Variants in ADAM22 observed in about 807,000 individuals in gnomAD.
ADAM22 encodes ADAM metallopeptidase domain 22, also known as disintegrin and metalloproteinase domain-containing protein 22.
A neutral mutation model predicts 144.6 loss-of-function variants in ADAM22; 65 were observed. The observed-to-expected ratio is 0.45, with a 90% CI of 0.37 to 0.55. The LOEUF is 0.55. Ranked by LOEUF, ADAM22 falls within the 20% of genes least tolerant of loss-of-function variation. ADAM22 has a pLI of 0.00. For synonymous variants in ADAM22, 391 were observed against 412.6 expected (o/e 0.95, Z 0.63); for missense variants, 974 against 1,184.9 (o/e 0.82, Z 2.61).
At position 88,160,761 on chromosome 7, in the gene ADAM22, T is replaced by C. The variant is rs550502675; in HGVS notation, c.1908-2251T>C. The stretch of plus-strand genomic sequence containing the variant: ...CTGGATTAAGAAAATGTGGCACATA[T>C]ACACCATGGAATACTATGCAGCCAT... On this transcript the variant is annotated intron_variant, in intron 22 of 31. Coordinates refer to ENST00000413139, the MANE Select transcript of ADAM22 (RefSeq NM_001324418.2). Among the ~76,000 whole-genome samples, 12 of 152,214 alleles carry C rather than the reference T, an allele frequency of 7.9e-5. No individual in the cohort carries two copies. The South Asian group carries it at 2.5e-3, about 32-fold the overall frequency.
chr7:88,154,652 C>T (rs1172337437), intron 21 of ADAM22, among the ~76,000 whole-genome samples: 2 of 151,986 alleles, frequency 1.3e-5, no homozygotes, highest in Non-Finnish European at 2.9e-5. Context: ...AAGATCATAT[C>T]TAATTGTCTT....
intron 19 of ADAM22, 89 bp from the exon 20 acceptor site, chr7:88,151,168 T>A: frequency 6.4e-7 from 1 of 1,555,458 alleles, no homozygotes; most frequent in Non-Finnish European, 8.9e-7. Context: ...ACTATTCATC[T>A]ATTATTTTTC....
At chr7:88,195,677 G>A (rs968198545) in intron 31 of ADAM22, among the ~76,000 whole-genome samples, 18 of 151,870 alleles carry the variant, frequency 1.2e-4, no homozygotes, top group Admixed American at 9.9e-4. Flanking sequence ...CACCACGCCC[G>A]GCTAATTTTT....
At chr7:88,196,036 A>T (rs1474677297) in intron 31 of ADAM22, among the ~76,000 whole-genome samples, 1 of 152,120 alleles carries the variant, frequency 6.6e-6, no homozygotes, top group Non-Finnish European at 1.5e-5. Context: ...GGTGCCTGGG[A>T]AGTGGAATTG....
intron 3 of ADAM22, among the ~76,000 whole-genome samples, chr7:88,011,958 G>A (rs1439792884): frequency 6.6e-6 from 1 of 150,956 alleles, no homozygotes; most frequent in East Asian, 1.9e-4. Context: ...TTGTTTTTAT[G>A]CTATTCTAAT....
rs576748044 is a variant in ADAM22, at chr7:88,130,441, G to T, written c.807G>T (p.Val269=). 1.9e-6 allele frequency: 3 copies of T among 1,612,894 alleles called. No homozygotes were observed. In the East Asian group the frequency reaches 6.7e-5, roughly 36 times the overall value. ...ATACCAATACCTATGCGAAATCTGTGGTGAACATGGCAGATTTAGTAAGTA... is the reference window on the plus strand; with the variant it reads ...ATACCAATACCTATGCGAAATCTGTTGTGAACATGGCAGATTTAGTAAGTA... ...VVHTNTYAKS[V]VNMADLIYKD... The change falls in exon 10 of 32, where the codon GTG becomes GTT. Residue 269 remains valine (V), a synonymous_variant. Transcript: ENST00000413139.
intron 3 of ADAM22, among the ~76,000 whole-genome samples, chr7:88,066,853 T>C (rs535470092): frequency 2.0e-5 from 3 of 152,250 alleles, no homozygotes; most frequent in Non-Finnish European, 4.4e-5. Context: ...ATGCTGCTTA[T>C]ACATCAAGTA....
At position 87,978,424 on chromosome 7, in the gene ADAM22, G is replaced by A. The variant is rs1354310884; in HGVS notation, c.323+12G>A. 3 of 1,610,180 alleles carry A rather than the reference G, an allele frequency of 1.9e-6. No individual in the cohort carries two copies. The highest frequency in any genetic ancestry group is 1.3e-5 in the African/African-American group (1 of 74,714). On this transcript the variant is annotated intron_variant, in intron 3 of 31. Coordinates refer to ENST00000413139, the MANE Select transcript of ADAM22 (RefSeq NM_001324418.2). Reference sequence around the variant, plus strand: ...GTCGTGCTAAATCAGTAAGTGTTGAGTTGCACTTGCTTTTGTCAGATACAC... The same window carrying A: ...GTCGTGCTAAATCAGTAAGTGTTGAATTGCACTTGCTTTTGTCAGATACAC...
chr7:88,035,639 A>G (rs188291291), intron 3 of ADAM22, among the ~76,000 whole-genome samples: 90 of 152,254 alleles, frequency 5.9e-4, no homozygotes, highest in Admixed American at 3.3e-3. Context: ...TCTAAACAAT[A>G]CAGTATTACA....
intron 4 of ADAM22, among the ~76,000 whole-genome samples, chr7:88,088,706 C>T (rs768793764): frequency 5.9e-5 from 9 of 152,136 alleles, no homozygotes; most frequent in Non-Finnish European, 1.2e-4. Flanking sequence ...TAGATTTCCC[C>T]GCAAGGACCA....
At chr7:87,993,808 G>C (rs543043650) in intron 3 of ADAM22, among the ~76,000 whole-genome samples, 1 of 152,118 alleles carries the variant, frequency 6.6e-6, no homozygotes, top group Non-Finnish European at 1.5e-5. Flanking sequence ...CCAATAGGTG[G>C]TATTTTAGGA....
At chr7:88,088,363 C>T (rs758919522) in intron 4 of ADAM22, among the ~76,000 whole-genome samples, 1 of 152,124 alleles carries the variant, frequency 6.6e-6, no homozygotes, top group Admixed American at 6.6e-5. Context: ...TCCCAGCAGG[C>T]ACCTATGCTG....
intron 29 of ADAM22, chr7:88,184,409 C>T: frequency 7.7e-6 from 3 of 388,918 alleles, no homozygotes; most frequent in Non-Finnish European, 1.5e-5. Flanking sequence ...ACAGGTCAGT[C>T]TCCACCTGCC....
intron 2 of ADAM22, among the ~76,000 whole-genome samples, chr7:87,938,740 C>G (rs987219829): frequency 6.6e-6 from 1 of 152,104 alleles, no homozygotes; most frequent in African/African-American, 2.4e-5. Flanking sequence ...AGGTCCACCT[C>G]CCTGGTTCAA....
intron 8 of ADAM22, among the ~76,000 whole-genome samples, chr7:88,127,060 T>TTA (rs1051117928): frequency 1.3e-4 from 20 of 151,378 alleles, no homozygotes; most frequent in African/African-American, 3.2e-4. Context: ...TTGTGAATGT[T>TTA]TATATATATA....
chr7:88,039,464 A>AAAAAAAAAAAAAAAAAAAAT, intron 3 of ADAM22, among the ~76,000 whole-genome samples: 2 of 76,404 alleles, frequency 2.6e-5, no homozygotes, highest in Non-Finnish European at 5.4e-5. Flanking sequence ...AAAAAAAAAA[A>AAAAAAAAAAAAAAAAAAAAT]ATATATATAT....
intron 4 of ADAM22, among the ~76,000 whole-genome samples, chr7:88,093,875 A>G (rs1820577575): frequency 1.3e-5 from 2 of 152,110 alleles, no homozygotes; most frequent in Admixed American, 1.3e-4. Flanking sequence ...TTTTCTTTGC[A>G]CCTATGAGGT....
rs1181561737 is a variant in ADAM22, at chr7:88,023,899, T to C, written c.323+45487T>C. Among the ~76,000 whole-genome samples, 4 of 151,878 alleles carry C rather than the reference T, an allele frequency of 2.6e-5. No individual in the cohort carries two copies. The East Asian group carries it at 7.8e-4, about 29-fold the overall frequency. ...CTGCTCTCTATCTCTATGAGTTAAATTGTTTTAATTTTTAAATCCCACAAA... is the reference window on the plus strand; with the variant it reads ...CTGCTCTCTATCTCTATGAGTTAAACTGTTTTAATTTTTAAATCCCACAAA... On this transcript the variant is annotated intron_variant, in intron 3 of 31. Transcript: ENST00000413139.
At chr7:87,985,119 C>T (rs1788145327) in intron 3 of ADAM22, among the ~76,000 whole-genome samples, 1 of 151,310 alleles carries the variant, frequency 6.6e-6, no homozygotes, top group East Asian at 1.9e-4. Flanking sequence ...TGAGACTATC[C>T]TGGCTAACAT....
Sources: allele counts gnomAD v4.1 joint callset (sites outside exome capture counted in the v4.1 genomes callset), GRCh38; gene constraint gnomAD v4.1.1; transcripts MANE v1.5; gene names NCBI Gene and HGNC (gene_info 2026-07-23, HGNC 2026-07-21).